SMC1B: variants seen among roughly 807,000 people sequenced by gnomAD.
The protein encoded by SMC1B is structural maintenance of chromosomes protein 1B.
In SMC1B, 60 loss-of-function variants were observed where a neutral mutation model predicts 157.9. The observed-to-expected ratio is 0.38, with a 90% CI of 0.31 to 0.47. The LOEUF (loss-of-function observed/expected upper bound fraction) is 0.47, where lower values mean the gene tolerates loss of function less well. Among genes scored for constraint, SMC1B ranks in the 20% least tolerant of loss-of-function variants. The probability of loss-of-function intolerance (pLI) is 0.99; values close to 1 mark genes in which losing one functional copy is unlikely to be tolerated. For synonymous variants in SMC1B, 445 were observed against 483.0 expected, an observed-to-expected ratio of 0.92 and a Z score of 1.03; for missense variants, 1,165 against 1,426.2, an observed-to-expected ratio of 0.82 and a Z score of 2.95.
chr22:45,355,154 G>A (rs2086657553), intron 19 of SMC1B, 39 bp from the exon 20 acceptor site: 2 of 1,610,346 alleles, frequency 1.2e-6, no homozygotes, highest in Non-Finnish European at 1.7e-6. Flanking sequence ...GGCATGGCAT[G>A]TCTTTTACAT....
At chr22:45,373,607 T>C (rs1313774989) in intron 12 of SMC1B, among the ~76,000 whole-genome samples, 1 of 152,238 alleles carries the variant, frequency 6.6e-6, no homozygotes, top group Non-Finnish European at 1.5e-5. Context: ...TGTTACTGTC[T>C]TTGTTTCAAA....
intron 15 of SMC1B, among the ~76,000 whole-genome samples, chr22:45,368,063 T>C (rs1177404942): frequency 6.6e-6 from 1 of 152,220 alleles, no homozygotes; most frequent in African/African-American, 2.4e-5. Context: ...TATTAGATAA[T>C]AGTGATACTG....
At chr22:45,369,469 T>G (rs1277434921) in intron 15 of SMC1B, among the ~76,000 whole-genome samples, 1 of 152,124 alleles carries the variant, frequency 6.6e-6, no homozygotes, top group Non-Finnish European at 1.5e-5. Context: ...TATTTATGCT[T>G]TCTCTCTTTA....
chr22:45,406,943 A>C, intron 2 of SMC1B, 78 bp from the exon 3 acceptor site: 2 of 1,031,334 alleles, frequency 1.9e-6, no homozygotes, highest in South Asian at 1.9e-5. Context: ...AGTTTAATAA[A>C]ATTATTTTTC....
At chr22:45,406,018 A>G (rs1425361298) in intron 4 of SMC1B, among the ~76,000 whole-genome samples, 1 of 152,238 alleles carries the variant, frequency 6.6e-6, no homozygotes. Context: ...TTATATTAAC[A>G]TGTAATGAGT....
Position 45,372,338 on chromosome 22 carries a change from C to T in SMC1B, c.2059-46G>A, listed in dbSNP as rs780835414. The T allele has an allele frequency of 5.3e-6, 8 of 1,514,094 alleles. No homozygotes were observed. In the East Asian group the frequency reaches 1.6e-4, roughly 31 times the overall value. 93.8% of individuals were successfully genotyped at this position (1,514,094 alleles called of 1,614,324 possible). A position where few individuals can be genotyped will look rare whatever the true frequency, so the allele number is the denominator to read the frequency against. ...GAGAATATTTTATGATAGAAAAGCACTTTCACTTTTCAAAGTGCTTTCATA... is the reference window on the plus strand; with the variant it reads ...GAGAATATTTTATGATAGAAAAGCATTTTCACTTTTCAAAGTGCTTTCATA... On this transcript the variant is annotated intron_variant, in intron 12 of 24. Transcript: ENST00000357450.
chr22:45,400,458 T>C (rs1490265137), intron 5 of SMC1B, among the ~76,000 whole-genome samples: 1 of 152,204 alleles, frequency 6.6e-6, no homozygotes, highest in African/African-American at 2.4e-5. Flanking sequence ...AATGTAATAC[T>C]GGATTATAAC....
intron 6 of SMC1B, 69 bp downstream of exon 6, chr22:45,399,026 A>G: frequency 1.5e-5 from 22 of 1,474,228 alleles, no homozygotes; most frequent in Non-Finnish European, 2.0e-5. Flanking sequence ...CATCTTTTAA[A>G]TTTTTTTCTA....
intron 6 of SMC1B, among the ~76,000 whole-genome samples, chr22:45,397,113 T>C (rs1213348384): frequency 7.1e-6 from 1 of 140,132 alleles, no homozygotes; most frequent in East Asian, 2.0e-4. Flanking sequence ...ACCAAAATAA[T>C]TATAACTATA....
chr22:45,355,328 T>C (rs749282358), intron 19 of SMC1B, among the ~76,000 whole-genome samples: 7 of 152,190 alleles, frequency 4.6e-5, no homozygotes, highest in Non-Finnish European at 5.9e-5. Flanking sequence ...ACATTTCAGC[T>C]CATTTTTTAA....
At position 45,405,690 on chromosome 22, in the gene SMC1B, T is replaced by C. The variant is rs571650955; in HGVS notation, c.615+770A>G. On this transcript the variant is annotated intron_variant, in intron 4 of 24. Transcript: ENST00000357450. ...AGGCATTTTGAAGGGGCCCAAGAAA[T>C]GTATAGAAGTACATTTGCATGTAAT... Among the ~76,000 whole-genome samples the C allele has an allele frequency of 3.9e-5, 6 of 152,256 alleles. No individual in the cohort carries two copies. The East Asian group carries it at 1.2e-3, about 29-fold the overall frequency.
intron 12 of SMC1B, among the ~76,000 whole-genome samples, chr22:45,382,908 C>T (rs566147976): frequency 1.2e-4 from 18 of 152,128 alleles, no homozygotes; most frequent in East Asian, 3.9e-4. Context: ...CCAAGGCAGG[C>T]GGATCAACTG....
Position 45,389,753 on chromosome 22 carries a change from T to C in SMC1B, c.1690A>G (p.Arg564Gly), listed in dbSNP as rs1193090190. 5 of 1,614,030 alleles carry C rather than the reference T, an allele frequency of 3.1e-6. No individual in the cohort carries two copies. Among genetic ancestry groups the C allele is most frequent in the Non-Finnish European group, 4.2e-6 (5 of 1,180,000 alleles). The stretch of plus-strand genomic sequence containing the variant: ...GCGAGGAATGTCTCAGGTTCAGCTC[T>C]TTCCTCCTTCAGAAATCGAATACAA... ...KDCIRFLKEE[R>G]AEPETFLALD... The change falls in exon 10 of 25, where the codon AGA becomes GGA. Residue 564 changes from arginine (R) to glycine (G), a missense_variant. By Grantham distance (125) the Arg-to-Gly change is moderately radical (BLOSUM62 -2). Coordinates refer to ENST00000357450, the MANE Select transcript of SMC1B (RefSeq NM_148674.5).
intron 12 of SMC1B, among the ~76,000 whole-genome samples, chr22:45,381,517 T>G (rs920858953): frequency 3.3e-5 from 5 of 152,156 alleles, no homozygotes; most frequent in Non-Finnish European, 7.3e-5. Flanking sequence ...ATGGGACAAA[T>G]GTTTAACTTA....
chr22:45,394,578 G>A (rs1007404253), intron 8 of SMC1B, 107 bp downstream of exon 8: 40 of 1,258,948 alleles, frequency 3.2e-5, no homozygotes, highest in Admixed American at 8.3e-5. Context: ...TGAGGCTACC[G>A]TAAGCCATGA....
chr22:45,401,889 C>CT (rs1555933581), intron 5 of SMC1B, among the ~76,000 whole-genome samples: 4,385 of 147,312 alleles, frequency 0.03, 80 homozygotes, highest in African/African-American at 0.033. Context: ...TCTACACCAC[C>CT]TTTTTTTTTT....
intron 9 of SMC1B, among the ~76,000 whole-genome samples, chr22:45,392,911 G>A (rs369571516): frequency 5.5e-4 from 84 of 152,250 alleles, no homozygotes; most frequent in Admixed American, 1.0e-3. Flanking sequence ...ATGTTGGCCA[G>A]GCTGGTCTCA....
chr22:45,395,188 G>A (rs558800148), intron 7 of SMC1B, among the ~76,000 whole-genome samples: 4 of 152,322 alleles, frequency 2.6e-5, no homozygotes, highest in Non-Finnish European at 4.4e-5. Flanking sequence ...AAGAACTAAT[G>A]TCTGGTAGGA....
chr22:45,389,108 C>T (rs137930446), intron 10 of SMC1B, among the ~76,000 whole-genome samples: 1 of 152,020 alleles, frequency 6.6e-6, no homozygotes, highest in African/African-American at 2.4e-5. Context: ...AGCTCTAAGG[C>T]ATGTGCTCTT....
Sources: allele counts gnomAD v4.1 joint callset (sites outside exome capture counted in the v4.1 genomes callset), GRCh38; gene constraint gnomAD v4.1.1; transcripts MANE v1.5; gene names NCBI Gene and HGNC (gene_info 2026-07-23, HGNC 2026-07-21).